C4orf50: variants seen among roughly 807,000 people sequenced by gnomAD.
C4orf50 encodes the protein uncharacterized protein C4orf50.
In C4orf50, 80 loss-of-function variants were observed where a neutral mutation model predicts 77.2. The ratio of observed to expected loss-of-function variants is 1.04; its 90% CI spans 0.87 to 1.25. C4orf50 has a LOEUF of 1.25. C4orf50 is among the 50% of genes most tolerant of loss of function. The probability of loss-of-function intolerance (pLI) is 0.00; values close to 1 mark genes in which losing one functional copy is unlikely to be tolerated. For synonymous variants in C4orf50, 532 were observed against 465.3 expected, an observed-to-expected ratio of 1.14 and a Z score of -1.84; for missense variants, 1,257 against 1,152.9, an observed-to-expected ratio of 1.09 and a Z score of -1.31.
At chr4:5,978,771 G>A (rs1037517826) in intron 29 of C4orf50, among the ~76,000 whole-genome samples, 9 of 152,242 alleles carry the variant, frequency 5.9e-5, no homozygotes, top group African/African-American at 2.2e-4. Context: ...ACAGTTATGT[G>A]TAAGTTCATA....
chr4:5,998,489 T>C (rs969859309), intron 25 of C4orf50, among the ~76,000 whole-genome samples: 6 of 152,122 alleles, frequency 3.9e-5, no homozygotes, highest in Non-Finnish European at 8.8e-5. Flanking sequence ...AACAAAGAGA[T>C]TCACGTAGCT....
At chr4:5,950,609 A>C (rs968753151) in intron 7 of C4orf50, among the ~76,000 whole-genome samples, 2 of 152,212 alleles carry the variant, frequency 1.3e-5, no homozygotes, top group African/African-American at 2.4e-5. Flanking sequence ...TTCTTCAACC[A>C]GTTTTCCACT....
In C4orf50 at chr4:6,007,547, G is replaced by T. The variant is rs560921278; in HGVS notation, c.963+449C>A. Reference sequence around the variant, plus strand: ...AAAAATAAGTTTCTGTTATTTATAAGCCACCATCTATGGTATTTTTTATAA... The same window carrying T: ...AAAAATAAGTTTCTGTTATTTATAATCCACCATCTATGGTATTTTTTATAA... On this transcript the variant is annotated intron_variant, in intron 25 of 33. Coordinates refer to ENST00000531445, the Ensembl canonical transcript of C4orf50. The surrounding 1 kb of genome is among the most constrained non-coding windows in gnomAD (Gnocchi z 4.1). Among the ~76,000 whole-genome samples the T allele has an allele frequency of 6.6e-6, 1 of 152,130 alleles. No homozygotes were observed. The highest frequency in any genetic ancestry group is 1.5e-5 in the Non-Finnish European group (1 of 68,032).
In C4orf50 at chr4:5,988,649, CTT is replaced by C. The variant is rs1376397107; in HGVS notation, c.3395_3396del (p.Lys1132ArgfsTer45). ...CCTGTGAGTGGAGTCACCTGCACCTCTTTGTCTAGAGCGTGCATCTTGGCTTT... is the reference window on the plus strand; with the variant it reads ...CCTGTGAGTGGAGTCACCTGCACCTCTGTCTAGAGCGTGCATCTTGGCTTT... On this transcript the variant is annotated frameshift_variant, in exon 28 of 34. Coordinates refer to ENST00000531445, the Ensembl canonical transcript of C4orf50. LOFTEE classifies it high-confidence loss of function. The C allele has an allele frequency of 2.0e-6, 3 of 1,536,152 alleles. No individual in the cohort carries two copies. The highest frequency in any genetic ancestry group is 4.9e-5 in the East Asian group (2 of 40,904).
chr4:5,989,155 T>C lies in C4orf50; in HGVS notation c.2891A>G (p.Glu964Gly), dbSNP rs1490742673. 9.1e-6 allele frequency: 14 copies of C among 1,535,412 alleles called. No individual in the cohort carries two copies. The East Asian group carries it at 3.2e-4, about 35-fold the overall frequency. The change falls in exon 28 of 34, where the codon GAG (glutamate) becomes GGG (glycine). Residue 964 changes from glutamate to glycine, a missense_variant. Transcript: ENST00000531445. ...TATTTTTGTCACCTCTCTCTCTCTCTCTCTTTCAAGGGCGCACACTCTTTC... is the reference window on the plus strand; with the variant it reads ...TATTTTTGTCACCTCTCTCTCTCTCCCTCTTTCAAGGGCGCACACTCTTTC...
chr4:5,996,607 T>G (rs1404198696), intron 25 of C4orf50, among the ~76,000 whole-genome samples: 1 of 152,214 alleles, frequency 6.6e-6, no homozygotes, highest in Non-Finnish European at 1.5e-5. Context: ...TGAGGCCTTC[T>G]TTGGCCTTCA....
At chr4:5,989,522 C>A in exon 28 of C4orf50, 1 of 1,536,150 alleles carries the variant, frequency 6.5e-7, no homozygotes, top group African/African-American at 1.4e-5. Flanking sequence ...CACTTCTGAG[C>A]AAAGCTCCAG....
intron 31 of C4orf50, among the ~76,000 whole-genome samples, chr4:5,969,631 C>G (rs1251238131): frequency 1.3e-5 from 2 of 151,968 alleles, no homozygotes; most frequent in African/African-American, 4.8e-5. Context: ...CTGTTGGGTG[C>G]CTGTGTGTGA....
intron 7 of C4orf50, among the ~76,000 whole-genome samples, chr4:5,935,615 G>A (rs1284495579): frequency 1.3e-5 from 2 of 151,778 alleles, no homozygotes; most frequent in Non-Finnish European, 2.9e-5. Context: ...GTGAAACCCC[G>A]TCTGTACTAA....
At chr4:5,923,605 G>A (rs2108739874) in intron 7 of C4orf50, among the ~76,000 whole-genome samples, 1 of 152,250 alleles carries the variant, frequency 6.6e-6, no homozygotes, top group Non-Finnish European at 1.5e-5. Context: ...AGGGGAGAAG[G>A]CTGGCCTGGT....
intron 7 of C4orf50, chr4:5,899,084 T>A (rs1368705810): frequency 6.6e-6 from 1 of 152,232 alleles, no homozygotes; most frequent in East Asian, 1.9e-4. Flanking sequence ...TTATCTGTTT[T>A]TAGAAATTCC....
intron 7 of C4orf50, among the ~76,000 whole-genome samples, chr4:5,950,037 T>C (rs544394044): frequency 1.3e-5 from 2 of 150,276 alleles, no homozygotes; most frequent in East Asian, 1.9e-4. Flanking sequence ...GCAAATTTTA[T>C]AGGTTGGTGC....
At chr4:5,954,801 A>G (rs1718880662), downstream of C4orf50, among the ~76,000 whole-genome samples, 1 of 152,160 alleles carries the variant, frequency 6.6e-6, no homozygotes, top group South Asian at 2.1e-4. This position sits in a 1 kb window ranked among gnomAD's most constrained non-coding sequence, Gnocchi z 4.7. Flanking sequence ...CAACCCTCAA[A>G]TCCAAGGGAA....
At chr4:5,985,824 C>A (rs897385820) in intron 28 of C4orf50, among the ~76,000 whole-genome samples, 7 of 152,012 alleles carry the variant, frequency 4.6e-5, no homozygotes, top group Non-Finnish European at 1.5e-5. Flanking sequence ...CAAAAATTAG[C>A]TGGGCGTGAT....
intron 25 of C4orf50, among the ~76,000 whole-genome samples, chr4:6,005,941 A>G (rs1722233695): frequency 6.6e-6 from 1 of 152,216 alleles, no homozygotes; most frequent in Non-Finnish European, 1.5e-5. Flanking sequence ...GGGAAGAAGG[A>G]CTTAAGCCAA....
At chr4:5,981,763 C>T (rs1412411641) in intron 28 of C4orf50, among the ~76,000 whole-genome samples, 2 of 152,130 alleles carry the variant, frequency 1.3e-5, no homozygotes, top group Non-Finnish European at 2.9e-5. Context: ...GAAGAAACAG[C>T]ACTGCTAAAA....
intron 32 of C4orf50, among the ~76,000 whole-genome samples, chr4:5,965,842 A>G (rs890883635): frequency 1.3e-5 from 2 of 152,258 alleles, no homozygotes; most frequent in Non-Finnish European, 2.9e-5. Context: ...AAAAGAGTGT[A>G]TGGCTCAGAG....
At position 5,992,786 on chromosome 4, in the gene C4orf50, A is replaced by T; in HGVS notation, c.1221+17T>A. ...CCAGTGGCACTGCACACACACGCAG[A>T]AAGCCTCTGGCCTCACCTGTTCACG... On this transcript the variant is annotated intron_variant, in intron 27 of 33. Transcript: ENST00000531445. The surrounding 1 kb of genome is among the most constrained non-coding windows in gnomAD (Gnocchi z 5.0). 1 of 399,140 alleles carries T rather than the reference A, an allele frequency of 2.5e-6. No individual in the cohort carries two copies. Among genetic ancestry groups the T allele is most frequent in the Non-Finnish European group, 4.4e-6 (1 of 226,134 alleles). The allele number at this position is 399,140 out of a possible 1,614,324, so 24.7% of individuals were successfully genotyped here.
chr4:5,969,564 C>T (rs1275313579), intron 31 of C4orf50, among the ~76,000 whole-genome samples: 2 of 151,954 alleles, frequency 1.3e-5, no homozygotes, highest in Admixed American at 6.6e-5. Context: ...ATGCCCAAGG[C>T]CCCTGGCTGC....
Sources: gnomAD v4.1 joint callset for allele counts (sites outside exome capture counted in the v4.1 genomes callset) on GRCh38, gnomAD v4.1.1 for gene constraint, Gnocchi (gnomAD v3.1) non-coding constraint, MANE v1.5 for transcripts, NCBI Gene and HGNC (gene_info 2026-07-23, HGNC 2026-07-21) for gene names.